The following CFAP47 variants were observed in gnomAD, a reference collection of about 807,000 sequenced individuals.
CFAP47 encodes the protein cilia and flagella associated protein 47, also known as cilia- and flagella-associated protein 47.
CFAP47 carries 29 observed loss-of-function variants against 148.1 expected under a neutral mutation model. The observed-to-expected ratio is 0.20, with a 90% CI of 0.15 to 0.27. The LOEUF (loss-of-function observed/expected upper bound fraction) is 0.27. CFAP47 is among the 10% of genes least tolerant of loss of function. CFAP47 has a pLI of 1.00. For missense variants in CFAP47, 1,872 were observed against 1,697.5 expected (o/e 1.10, Z -1.81); for synonymous variants, 664 against 577.3 (o/e 1.15, Z -2.15).
At chrX:36,331,562 T>G (rs2146972450) in intron 57 of CFAP47, among the ~76,000 whole-genome samples, 1 of 111,813 alleles carries the variant, frequency 8.9e-6, no homozygotes, top group African/African-American at 3.2e-5. Context: ...CCTCATTCTC[T>G]TCCTAATTTA....
chrX:36,016,613 C>A (rs1937098307), intron 22 of CFAP47, among the ~76,000 whole-genome samples: 1 of 108,944 alleles, frequency 9.2e-6, no homozygotes, highest in African/African-American at 3.3e-5. Flanking sequence ...CTGCAACAAA[C>A]ATGTGAGTGC....
chrX:36,246,170 A>C (rs1555996994), intron 48 of CFAP47, among the ~76,000 whole-genome samples: 1 of 111,955 alleles, frequency 8.9e-6, no homozygotes, highest in Admixed American at 9.5e-5. Context: ...TGTTCATCCA[A>C]CAAAGGTCTA....
chrX:36,097,839 G>T (rs1348761973), intron 30 of CFAP47, among the ~76,000 whole-genome samples: 1 of 110,764 alleles, frequency 9.0e-6, no homozygotes, highest in African/African-American at 3.3e-5. Context: ...ATTGATTTGG[G>T]ATATTGATAT....
chrX:36,177,041 A>G (rs941438393), intron 39 of CFAP47, among the ~76,000 whole-genome samples: 8 of 112,761 alleles, frequency 7.1e-5, no homozygotes, highest in African/African-American at 2.3e-4. Context: ...GGAAATCTGC[A>G]TTTTGAACAC....
At chrX:36,050,069 A>C (rs1459779226) in intron 26 of CFAP47, among the ~76,000 whole-genome samples, 1 of 111,828 alleles carries the variant, frequency 8.9e-6, no homozygotes, top group Non-Finnish European at 1.9e-5. Flanking sequence ...GCCATGTGGA[A>C]CTGTGAGTCC....
At chrX:36,368,234 A>G (rs1363246266) in intron 62 of CFAP47, 2 of 112,125 alleles carry the variant, frequency 1.8e-5, no homozygotes, top group Non-Finnish European at 3.8e-5. Context: ...TCCAAAAAAG[A>G]CTAAAAAGTC....
At chrX:36,345,590 G>A (rs1354399688) in intron 57 of CFAP47, among the ~76,000 whole-genome samples, 1 of 111,493 alleles carries the variant, frequency 9.0e-6, no homozygotes, top group African/African-American at 3.3e-5. Flanking sequence ...TGGGGGTTGG[G>A]GACCCCTGGT....
chrX:36,088,153 A>G (rs1344335775), intron 30 of CFAP47, among the ~76,000 whole-genome samples: 3 of 111,875 alleles, frequency 2.7e-5, no homozygotes, highest in East Asian at 5.6e-4. Flanking sequence ...ATACAGTCAC[A>G]TTCTGAAGTC....
intron 39 of CFAP47, 61 bp downstream of exon 39, chrX:36,160,830 A>C (rs1359210524): frequency 3.3e-5 from 9 of 272,538 alleles, no homozygotes; most frequent in African/African-American, 2.7e-4. Flanking sequence ...CTGAAGAGAC[A>C]TATGTGATTT....
Position 36,065,718 on chromosome X carries a change from T to A in CFAP47, c.4293T>A (p.Asp1431Glu), listed in dbSNP as rs1346868299. The A allele has an allele frequency of 6.9e-6, 8 of 1,165,531 alleles. No individual in the cohort carries two copies. The Admixed American group carries it at 1.8e-4, about 26-fold the overall frequency. Residue 1431 changes from aspartate (D) to glutamate (E), a missense_variant, in exon 27 of 64, where the codon GAT becomes GAA. Coordinates refer to ENST00000378653, the MANE Select transcript of CFAP47 (RefSeq NM_001304548.2). Reference sequence around the variant, plus strand: ...ACCCATATATGGCAATTCATCTGGATAAGCAAAACATTATTTTAAAGAATG... The same window carrying A: ...ACCCATATATGGCAATTCATCTGGAAAAGCAAAACATTATTTTAAAGAATG... ...TIYPYMAIHL[D>E]KQNIILKNDK... is the part of the protein sequence containing the mutation.
rs1251225980 is a variant in CFAP47, at chrX:36,209,575, A to G, written c.6817+4465A>G. ...TAAATGTAAATTTAATTATAAATAT[A>G]ATAAATTTTATTATAGTCTATCTTC... On this transcript the variant is annotated intron_variant, in intron 45 of 63. Coordinates refer to ENST00000378653, the MANE Select transcript of CFAP47 (RefSeq NM_001304548.2). 4.5e-5 allele frequency among the ~76,000 whole-genome samples: 5 copies of G among 111,035 alleles called. No homozygotes were observed. The Admixed American group carries it at 4.8e-4, about 11-fold the overall frequency.
chrX:35,921,537 C>T (rs1440117384), intron 1 of CFAP47, among the ~76,000 whole-genome samples: 4 of 111,566 alleles, frequency 3.6e-5, no homozygotes, highest in Non-Finnish European at 7.5e-5. Context: ...TCAGGGGACA[C>T]TTGTATGGAT....
intron 1 of CFAP47, among the ~76,000 whole-genome samples, chrX:35,925,003 G>T (rs909124590): frequency 9.0e-6 from 1 of 111,163 alleles, no homozygotes; most frequent in African/African-American, 3.3e-5. Context: ...TTGGTCAAAG[G>T]GTACAAAGTT....
intron 48 of CFAP47, among the ~76,000 whole-genome samples, chrX:36,249,724 A>T (rs1234287717): frequency 1.8e-5 from 2 of 111,522 alleles, no homozygotes; most frequent in Non-Finnish European, 3.8e-5. Context: ...AAAACTACAG[A>T]TCAGTTTTCC....
intron 33 of CFAP47, among the ~76,000 whole-genome samples, chrX:36,105,580 A>T (rs1323945918): frequency 3.6e-5 from 4 of 112,020 alleles, no homozygotes; most frequent in Non-Finnish European, 7.5e-5. Context: ...ATTGAAAAAG[A>T]TATATTGACA....
At chrX:36,081,531 A>G (rs1034981307) in intron 29 of CFAP47, among the ~76,000 whole-genome samples, 1 of 111,038 alleles carries the variant, frequency 9.0e-6, no homozygotes, top group Non-Finnish European at 1.9e-5. Flanking sequence ...CCTGGCAGAG[A>G]CACATTGAAA....
intron 51 of CFAP47, among the ~76,000 whole-genome samples, chrX:36,296,177 T>C (rs1016338198): frequency 8.9e-6 from 1 of 111,938 alleles, no homozygotes; most frequent in South Asian, 3.7e-4. Context: ...ATTTAAGTAC[T>C]CCATAGACAC....
intron 61 of CFAP47, among the ~76,000 whole-genome samples, chrX:36,366,630 AC>A (rs1169158102): frequency 9.1e-6 from 1 of 110,176 alleles, no homozygotes; most frequent in African/African-American, 3.4e-5. Context: ...ATCCACCCTT[AC>A]CTTCTTATGC....
intron 51 of CFAP47, among the ~76,000 whole-genome samples, chrX:36,297,879 A>G (rs929614634): frequency 1.8e-5 from 2 of 111,324 alleles, no homozygotes; most frequent in Non-Finnish European, 3.8e-5. Context: ...TTCAGACCCC[A>G]TCCCAGAGCT....
Sources: gnomAD v4.1 joint callset for allele counts (sites outside exome capture counted in the v4.1 genomes callset) on GRCh38, gnomAD v4.1.1 for gene constraint, MANE v1.5 for transcripts, NCBI Gene and HGNC (gene_info 2026-07-23, HGNC 2026-07-21) for gene names.